Variants in BACE2 observed in about 807,000 individuals in gnomAD.
The protein encoded by BACE2 is beta-secretase 2, also known as 56 kDa aspartic-like protease.
In BACE2, 17 loss-of-function variants were observed where a neutral mutation model predicts 46.2. The ratio of observed to expected loss-of-function variants is 0.37; its 90% CI spans 0.25 to 0.55. BACE2 has a LOEUF of 0.55. Among genes scored for constraint, BACE2 ranks in the 20% least tolerant of loss-of-function variants. The pLI is 0.82. For missense variants in BACE2, 595 were observed against 698.1 expected (o/e 0.85, Z 1.66); for synonymous variants, 277 against 295.9 (o/e 0.94, Z 0.66).
At chr21:41,206,404 AG>A (rs1218952801) in intron 1 of BACE2, among the ~76,000 whole-genome samples, 1 of 152,236 alleles carries the variant, frequency 6.6e-6, no homozygotes, top group Non-Finnish European at 1.5e-5. Context: ...AACAAAAGGC[AG>A]GGGATACAAA....
intron 1 of BACE2, among the ~76,000 whole-genome samples, chr21:41,192,011 A>G (rs1266064369): frequency 6.6e-6 from 1 of 152,218 alleles, no homozygotes; most frequent in Non-Finnish European, 1.5e-5. Context: ...CGGCCCATGA[A>G]TCAGTGTATA....
At chr21:41,219,939 TG>T (rs1440343736) in intron 1 of BACE2, among the ~76,000 whole-genome samples, 2 of 152,234 alleles carry the variant, frequency 1.3e-5, no homozygotes, top group Non-Finnish European at 2.9e-5. Context: ...TGCCTGGGGA[TG>T]GCGTGGGACC....
chr21:41,246,826 G>A (rs56128480), intron 6 of BACE2, among the ~76,000 whole-genome samples: 263 of 152,314 alleles, frequency 1.7e-3, no homozygotes, highest in African/African-American at 6.0e-3. Flanking sequence ...CTGGATGCCT[G>A]GCGAGGGGTT....
intron 6 of BACE2, among the ~76,000 whole-genome samples, chr21:41,249,416 C>T (rs1987574701): frequency 6.6e-6 from 1 of 152,136 alleles, no homozygotes; most frequent in Non-Finnish European, 1.5e-5. Flanking sequence ...ATTAGTGAGC[C>T]CCACATGTAC....
intron 1 of BACE2, among the ~76,000 whole-genome samples, chr21:41,226,050 G>T (rs770945829): frequency 4.6e-5 from 7 of 152,172 alleles, no homozygotes; most frequent in Non-Finnish European, 1.0e-4. Context: ...TCTGAGACAG[G>T]ACCATTTCCC....
intron 1 of BACE2, among the ~76,000 whole-genome samples, chr21:41,170,251 G>A (rs1451841804): frequency 6.6e-6 from 1 of 151,746 alleles, no homozygotes; most frequent in Non-Finnish European, 1.5e-5. Context: ...TAACTTGCCT[G>A]TTAATTAATT....
At chr21:41,179,091 G>T (rs1984970286) in intron 1 of BACE2, 1 of 1,194,314 alleles carries the variant, frequency 8.4e-7, no homozygotes, top group Non-Finnish European at 1.1e-6. Context: ...AGGAGTGAGG[G>T]TGTCAGGGTG....
intron 1 of BACE2, chr21:41,183,498 A>C (rs566878561): frequency 1.2e-5 from 2 of 166,708 alleles, no homozygotes; most frequent in South Asian, 4.1e-4. Context: ...GGACCCATCT[A>C]CCTGGCCAAA....
At chr21:41,220,414 C>G (rs1986607686) in intron 1 of BACE2, among the ~76,000 whole-genome samples, 1 of 152,212 alleles carries the variant, frequency 6.6e-6, no homozygotes, top group Non-Finnish European at 1.5e-5. Flanking sequence ...CTAATCCCGC[C>G]TTGCTCTTTC....
chr21:41,278,304 A>G lies in BACE2; in HGVS notation c.*2680A>G, dbSNP rs2088511474. 1 of 152,246 alleles carries G rather than the reference A, an allele frequency of 6.6e-6. No individual in the cohort carries two copies. The highest frequency in any genetic ancestry group is 1.9e-4 in the East Asian group (1 of 5,202). The allele number at this position is 152,246 out of a possible 1,614,324, so 9.4% of individuals were successfully genotyped here. A position where few individuals can be genotyped will look rare whatever the true frequency, so the allele number is the denominator to read the frequency against. ...CTGCCTTCAGTAACTGAAACCATTTATTAAAAATAGCAAGAAACAAGATGG... is the reference window on the plus strand; with the variant it reads ...CTGCCTTCAGTAACTGAAACCATTTGTTAAAAATAGCAAGAAACAAGATGG... On this transcript the variant is annotated 3_prime_UTR_variant, in exon 9 of 9. Transcript: ENST00000330333.
At chr21:41,200,324 C>T (rs1253892456) in intron 1 of BACE2, among the ~76,000 whole-genome samples, 1 of 152,098 alleles carries the variant, frequency 6.6e-6, no homozygotes, top group Admixed American at 6.5e-5. Context: ...GTTTATGAGT[C>T]TGTCCAAATA....
At chr21:41,190,243 A>G (rs1196503868) in intron 1 of BACE2, among the ~76,000 whole-genome samples, 2 of 152,204 alleles carry the variant, frequency 1.3e-5, no homozygotes, top group Non-Finnish European at 2.9e-5. Context: ...GAGATCATAC[A>G]TAATCTTCAA....
At chr21:41,243,590 C>T (rs1206920051) in intron 5 of BACE2, 80 bp downstream of exon 5, 8 of 1,405,334 alleles carry the variant, frequency 5.7e-6, no homozygotes, top group Non-Finnish European at 7.6e-6. Flanking sequence ...CCCGTAGATG[C>T]CAATAGAAGG....
In BACE2 at chr21:41,275,743, G is replaced by C; in HGVS notation, c.*119G>C. ...CTGTGCCCACCCGTCTTCAATCTCTGTTCTGCTCCCAGATGCCTTCTAGAT... is the reference window on the plus strand; with the variant it reads ...CTGTGCCCACCCGTCTTCAATCTCTCTTCTGCTCCCAGATGCCTTCTAGAT... On this transcript the variant is annotated 3_prime_UTR_variant, in exon 9 of 9. Coordinates refer to ENST00000330333, the MANE Select transcript of BACE2 (RefSeq NM_012105.5). 3 of 1,239,540 alleles carry C rather than the reference G, an allele frequency of 2.4e-6. No homozygotes were observed. In the Admixed American group the frequency reaches 7.4e-5, roughly 31 times the overall value. 76.8% of individuals were successfully genotyped at this position (1,239,540 alleles called of 1,614,324 possible).
chr21:41,265,169 C>G (rs1419853717), intron 8 of BACE2, among the ~76,000 whole-genome samples: 1 of 134,724 alleles, frequency 7.4e-6, no homozygotes, highest in Admixed American at 7.8e-5. Flanking sequence ...GCCTAAAGTC[C>G]TTCCTTTTTT....
At chr21:41,196,740 GGTAA>G (rs1325164201) in intron 1 of BACE2, among the ~76,000 whole-genome samples, 1 of 152,170 alleles carries the variant, frequency 6.6e-6, no homozygotes, top group Non-Finnish European at 1.5e-5. Context: ...ATTTGGCTTT[GGTAA>G]GTTGTGATAA....
At chr21:41,267,503 GCTTGTACAA>G (rs1373161444) in intron 8 of BACE2, among the ~76,000 whole-genome samples, 4 of 152,212 alleles carry the variant, frequency 2.6e-5, no homozygotes, top group Admixed American at 2.6e-4. Context: ...ATAGATCTCA[GCTTGTACAA>G]CTTGAGGCAC....
intron 5 of BACE2, among the ~76,000 whole-genome samples, chr21:41,244,985 C>T (rs1449679963): frequency 1.3e-5 from 2 of 151,978 alleles, no homozygotes; most frequent in Admixed American, 1.3e-4. Context: ...CATATGCACC[C>T]ACCCCACAAA....
rs1183403000 is a variant in BACE2, at chr21:41,245,839, T to G, written c.883-123T>G. On this transcript the variant is annotated intron_variant, in intron 5 of 8. Coordinates refer to ENST00000330333, the MANE Select transcript of BACE2 (RefSeq NM_012105.5). ...GAACATGAATGAACTACACAGTCCA[T>G]GATGACTGGTGTGGCTGCCTGGATT... is the stretch of plus-strand genomic sequence containing the variant. The G allele has an allele frequency of 2.8e-5, 19 of 670,858 alleles. No homozygotes were observed. The East Asian group carries it at 5.3e-4, about 19-fold the overall frequency. 41.6% of individuals were successfully genotyped at this position (670,858 alleles called of 1,614,324 possible). A position where few individuals can be genotyped will look rare whatever the true frequency, so the allele number is the denominator to read the frequency against.
Sources: allele counts gnomAD v4.1 joint callset (sites outside exome capture counted in the v4.1 genomes callset), GRCh38; gene constraint gnomAD v4.1.1; transcripts MANE v1.5; gene names NCBI Gene and HGNC (gene_info 2026-07-23, HGNC 2026-07-21).